Variants in CHD7 observed in about 807,000 individuals in gnomAD.
CHD7 encodes chromodomain helicase DNA binding protein 7, also known as ATP-dependent chromatin remodeler CHD7.
A neutral mutation model predicts 307.3 loss-of-function variants in CHD7; 24 were observed. That is an observed-to-expected ratio of 0.08 (90% CI 0.06 to 0.11). CHD7 has a LOEUF of 0.11. Ranked by LOEUF, CHD7 falls within the 10% of genes least tolerant of loss-of-function variation. The pLI is 1.00. For missense variants in CHD7, 3,106 were observed against 3,727.1 expected (o/e 0.83, Z 4.34); for synonymous variants, 1,363 against 1,349.9 (o/e 1.01, Z -0.21).
intron 1 of CHD7, among the ~76,000 whole-genome samples, chr8:60,690,739 A>G (rs1419680879): frequency 6.6e-6 from 1 of 152,220 alleles, no homozygotes; most frequent in Non-Finnish European, 1.5e-5. Flanking sequence ...TGCCACTGCC[A>G]TAGCACCACA....
intron 2 of CHD7, among the ~76,000 whole-genome samples, chr8:60,755,028 A>G (rs1278649629): frequency 1.3e-5 from 2 of 152,212 alleles, no homozygotes; most frequent in Non-Finnish European, 2.9e-5. Flanking sequence ...AGATGAACTT[A>G]TACTTTAGTG....
At chr8:60,681,566 A>G (rs1161060432) in intron 1 of CHD7, among the ~76,000 whole-genome samples, 1 of 152,236 alleles carries the variant, frequency 6.6e-6, no homozygotes, top group South Asian at 2.1e-4. Flanking sequence ...GAAAAAAGTT[A>G]TAGTAAAATA....
intron 2 of CHD7, among the ~76,000 whole-genome samples, chr8:60,767,978 A>T (rs929411226): frequency 6.6e-6 from 1 of 152,188 alleles, no homozygotes; most frequent in Non-Finnish European, 1.5e-5. Context: ...TATTATAGGT[A>T]TGTTGTTCTG....
At position 60,857,993 on chromosome 8, in the gene CHD7, C is replaced by T. The variant is rs556049039; in HGVS notation, c.7608+1105C>T. Among the ~76,000 whole-genome samples, 51 of 152,302 alleles carry T rather than the reference C, an allele frequency of 3.3e-4. No homozygotes were observed. The East Asian group carries it at 9.3e-3, about 28-fold the overall frequency. ...AAATTGGGCCGGGCATGGTGGCTCA[C>T]GCCTGTAATCCCAGCACTCTGGGAG... On this transcript the variant is annotated intron_variant, in intron 34 of 37. Coordinates refer to ENST00000423902, the MANE Select transcript of CHD7 (RefSeq NM_017780.4).
chr8:60,820,116 A>G (rs369814403), intron 9 of CHD7, 26 bp downstream of exon 9: 487 of 1,514,054 alleles, frequency 3.2e-4, no homozygotes, highest in Middle Eastern at 6.8e-4. Context: ...TTGTATTACA[A>G]AGTGGTGATT....
intron 1 of CHD7, among the ~76,000 whole-genome samples, chr8:60,683,909 G>GT (rs34548561): frequency 0.54 from 80,404 of 147,564 alleles, 25,000 homozygotes; most frequent in East Asian, 0.74. Flanking sequence ...GTTTTTGGAG[G>GT]TTTTTTTTTT....
At chr8:60,833,648 T>TGCAC (rs1234083479) in intron 15 of CHD7, among the ~76,000 whole-genome samples, 3 of 152,232 alleles carry the variant, frequency 2.0e-5, no homozygotes, top group African/African-American at 7.2e-5. Flanking sequence ...TGTAAGTGAA[T>TGCAC]GCACACTTGT....
At chr8:60,690,333 A>G (rs1467451975) in intron 1 of CHD7, among the ~76,000 whole-genome samples, 3 of 152,146 alleles carry the variant, frequency 2.0e-5, no homozygotes, top group Non-Finnish European at 4.4e-5. Flanking sequence ...TAGCTTGAGT[A>G]TGGTAAGCCT....
At position 60,854,501 on chromosome 8, in the gene CHD7, T is replaced by A. The variant is rs750003961; in HGVS notation, c.6914T>A (p.Phe2305Tyr). The change falls in exon 32 of 38, where the codon TTT (phenylalanine) becomes TAT (tyrosine). Residue 2305 changes from phenylalanine to tyrosine, a missense_variant. Phe to Tyr is a conservative substitution (Grantham distance 22). Around this residue, in one of 10 missense-constraint regions of CHD7, gnomAD observed 1,030 missense variants for 1,165.4 expected, o/e 0.88. Coordinates refer to ENST00000423902, the MANE Select transcript of CHD7 (RefSeq NM_017780.4). ...SVAQLLHERT[F>Y]AFSFWPKDRV... ...GCTCAGCTCCTTCATGAAAGAACATTTGCCTTCTCGTTTTGGCCTAAGGTT... is the reference window on the plus strand; with the variant it reads ...GCTCAGCTCCTTCATGAAAGAACATATGCCTTCTCGTTTTGGCCTAAGGTT... The A allele has an allele frequency of 3.7e-6, 6 of 1,603,346 alleles. No individual in the cohort carries two copies. In the Admixed American group the frequency reaches 5.0e-5, roughly 13 times the overall value.
chr8:60,719,563 C>A (rs1278612126), intron 1 of CHD7, among the ~76,000 whole-genome samples: 1 of 152,048 alleles, frequency 6.6e-6, no homozygotes, highest in African/African-American at 2.4e-5. Flanking sequence ...ATTAATTGGT[C>A]AAACCTTTGT....
chr8:60,837,767 A>G lies in CHD7; in HGVS notation c.4285A>G (p.Ser1429Gly). The change falls in exon 18 of 38, where the codon AGT becomes GGT. Residue 1429 changes from serine to glycine, a missense_variant. Around this residue, in one of 10 missense-constraint regions of CHD7, gnomAD observed 93 missense variants for 176.4 expected, o/e 0.53. Transcript: ENST00000423902. ...SYEREMFDKA[S>G]LKLGLDKAVL... ...TGAAAGGGAAATGTTCGACAAGGCT[A>G]GTTTGAAACTGGGCCTGGATAAAGC... 6.2e-7 allele frequency: 1 copy of G among 1,613,750 alleles called. No homozygotes were observed. Among genetic ancestry groups the G allele is most frequent in the Non-Finnish European group, 8.5e-7 (1 of 1,179,756 alleles).
At chr8:60,783,776 G>T (rs370991479) in intron 3 of CHD7, among the ~76,000 whole-genome samples, 1 of 152,152 alleles carries the variant, frequency 6.6e-6, no homozygotes, top group Non-Finnish European at 1.5e-5. Flanking sequence ...CCACACTGGG[G>T]GGGGCGGGGC....
chr8:60,840,049 C>T (rs1432530345), intron 19 of CHD7, among the ~76,000 whole-genome samples: 2 of 152,194 alleles, frequency 1.3e-5, no homozygotes, highest in Non-Finnish European at 2.9e-5. Flanking sequence ...TTGTGTCTGG[C>T]TTCATTCAGT....
intron 1 of CHD7, among the ~76,000 whole-genome samples, chr8:60,724,072 CTT>C (rs1270638265): frequency 6.6e-6 from 1 of 152,156 alleles, no homozygotes; most frequent in East Asian, 1.9e-4. Flanking sequence ...GGTCTCAAGT[CTT>C]TTAGCCCTCA....
chr8:60,742,425 T>C lies in CHD7; in HGVS notation c.993T>C (p.Asn331=), dbSNP rs892600312. 4.3e-6 allele frequency: 7 copies of C among 1,613,788 alleles called. No homozygotes were observed. Among genetic ancestry groups the C allele is most frequent in the Non-Finnish European group, 5.1e-6 (6 of 1,179,866 alleles). The change falls in exon 2 of 38, where the codon AAT becomes AAC. Residue 331 remains asparagine (N), a synonymous_variant. Coordinates refer to ENST00000423902, the MANE Select transcript of CHD7 (RefSeq NM_017780.4). ...TTAACAATACAGGGATGAATCAAAA[T>C]TTAGGCCTTACAAATAATACTCCAA... is the stretch of plus-strand genomic sequence containing the variant. ...GLVNNTGMNQ[N]LGLTNNTPMN...
rs768312325 is a variant in CHD7, at chr8:60,742,233, A to G, written c.801A>G (p.Glu267=). The G allele has an allele frequency of 6.2e-7, 1 of 1,613,834 alleles. No individual in the cohort carries two copies. The highest frequency in any genetic ancestry group is 8.5e-7 in the Non-Finnish European group (1 of 1,179,858). Reference sequence around the variant, plus strand: ...ACCCCTCTACTGCTCTCCATGGAGAATCCGTTGCCCACAGTCCCAGATTCT... The same window carrying G: ...ACCCCTCTACTGCTCTCCATGGAGAGTCCGTTGCCCACAGTCCCAGATTCT... ...HHHPSTALHG[E]SVAHSPRFSP... The change falls in exon 2 of 38, where the codon GAA becomes GAG. Residue 267 remains glutamate, a synonymous_variant. Coordinates refer to ENST00000423902, the MANE Select transcript of CHD7 (RefSeq NM_017780.4).
At chr8:60,797,603 G>A (rs953597629) in intron 4 of CHD7, among the ~76,000 whole-genome samples, 1 of 152,182 alleles carries the variant, frequency 6.6e-6, no homozygotes, top group African/African-American at 2.4e-5. Context: ...GAAACCTGAT[G>A]AAACATGGCA....
Position 60,865,493 on chromosome 8 carries a change from G to A in CHD7, c.8554G>A (p.Asp2852Asn), listed in dbSNP as rs1284184405. Residue 2852 changes from aspartate (D) to asparagine (N), a missense_variant, in exon 38 of 38, where the codon GAC (aspartate) becomes AAC (asparagine). Physicochemically the swap from Asp to Asn is conservative, Grantham distance 23 (BLOSUM62 1). This residue lies in a region of CHD7 where 351 missense variants were observed against 366.2 expected (regional missense o/e 0.96). Transcript: ENST00000423902. The surrounding 1 kb of genome is among the most constrained non-coding windows in gnomAD (Gnocchi z 4.3). ...KGEEKGNENE[D>N]ENKDSEKSTD... ...AGAGGAGAAAGGAAATGAGAATGAA[G>A]ACGAGAACAAAGACTCTGAGAAAAG... The A allele has an allele frequency of 4.3e-6, 7 of 1,613,600 alleles. No homozygotes were observed. In the South Asian group the frequency reaches 6.6e-5, roughly 15 times the overall value.
At position 60,838,168 on chromosome 8, in the gene CHD7, C is replaced by T. The variant is rs1804820497; in HGVS notation, c.4446C>T (p.Phe1482=). Residue 1482 remains phenylalanine (F), a synonymous_variant, in exon 19 of 38, where the codon TTC becomes TTT. Transcript: ENST00000423902. ...ATGAGGAGGATGAAGGGTCTAAATTCTGTGAAGAAGATATTGATCAGATCC... is the reference window on the plus strand; with the variant it reads ...ATGAGGAGGATGAAGGGTCTAAATTTTGTGAAGAAGATATTGATCAGATCC... ...LMDEEDEGSK[F]CEEDIDQILL... 13 of 1,586,132 alleles carry T rather than the reference C, an allele frequency of 8.2e-6. No homozygotes were observed. The highest frequency in any genetic ancestry group is 1.3e-5 in the African/African-American group (1 of 74,530).
Sources: allele counts gnomAD v4.1 joint callset (sites outside exome capture counted in the v4.1 genomes callset), GRCh38; gene constraint gnomAD v4.1.1; regional missense constraint gnomAD v4.1.1; non-coding constraint Gnocchi (gnomAD v3.1); transcripts MANE v1.5; gene names NCBI Gene and HGNC (gene_info 2026-07-23, HGNC 2026-07-21).